ATP7A: variants seen among roughly 807,000 people sequenced by gnomAD.
The protein encoded by ATP7A is ATPase copper transporting alpha.
A neutral mutation model predicts 83.5 loss-of-function variants in ATP7A; 7 were observed. The ratio of observed to expected loss-of-function variants is 0.08; its 90% CI spans 0.05 to 0.16. The LOEUF (loss-of-function observed/expected upper bound fraction) is 0.16. Among genes scored for constraint, ATP7A ranks in the 10% least tolerant of loss-of-function variants. The pLI, the probability that ATP7A is intolerant of heterozygous loss-of-function variation, is 1.00. For missense variants in ATP7A, 940 were observed against 1,120.8 expected (o/e 0.84, Z 2.30); for synonymous variants, 354 against 395.2 (o/e 0.90, Z 1.24).
chrX:78,026,000 G>A (rs1557236300), intron 14 of ATP7A, among the ~76,000 whole-genome samples: 1 of 111,284 alleles, frequency 9.0e-6, no homozygotes. Flanking sequence ...TAAATACAAA[G>A]CTCACAGACC....
At chrX:77,945,691 A>G (rs1280811814) in intron 1 of ATP7A, among the ~76,000 whole-genome samples, 2 of 112,177 alleles carry the variant, frequency 1.8e-5, no homozygotes, top group Non-Finnish European at 3.8e-5. Context: ...TTATTTTAAT[A>G]GGTCAATACT....
chrX:77,936,499 T>A (rs1432649642), intron 1 of ATP7A, among the ~76,000 whole-genome samples: 1 of 112,161 alleles, frequency 8.9e-6, no homozygotes, highest in East Asian at 2.8e-4. Flanking sequence ...TGTGCAACCA[T>A]CACTACCATC....
At chrX:77,990,705 A>G (rs1393493632) in intron 4 of ATP7A, among the ~76,000 whole-genome samples, 1 of 112,332 alleles carries the variant, frequency 8.9e-6, no homozygotes, top group Non-Finnish European at 1.9e-5. Flanking sequence ...ATGGAATTTA[A>G]TTATGTGAAA....
chrX:77,983,963 G>A (rs1198808911), intron 2 of ATP7A, among the ~76,000 whole-genome samples: 1 of 111,905 alleles, frequency 8.9e-6, no homozygotes, highest in Non-Finnish European at 1.9e-5. Context: ...GGGATTACAG[G>A]CATGAGCCAC....
At chrX:77,931,450 TC>T (rs1366528396) in intron 1 of ATP7A, among the ~76,000 whole-genome samples, 2 of 112,332 alleles carry the variant, frequency 1.8e-5, no homozygotes, top group Non-Finnish European at 3.8e-5. Context: ...GATTTCTCAA[TC>T]TTTTCCCCAC....
rs368747913 is a variant in ATP7A, at chrX:78,009,182, C to A, written c.1788C>A (p.Ser596=). Residue 596 remains serine, a synonymous_variant, in exon 7 of 23, where the codon TCC becomes TCA. Transcript: ENST00000341514. ...LTKHRGILYC[S]VALATNKAHI... ...AACACAGAGGGATCCTATACTGCTCCGTGGCCCTGGCAACCAACAAAGCAC... is the reference window on the plus strand; with the variant it reads ...AACACAGAGGGATCCTATACTGCTCAGTGGCCCTGGCAACCAACAAAGCAC... 38 of 1,207,115 alleles carry A rather than the reference C, an allele frequency of 3.1e-5. No homozygotes were observed. Among genetic ancestry groups the A allele is most frequent in the Non-Finnish European group, 4.3e-5 (38 of 893,268 alleles).
At chrX:78,016,173 G>A (rs781870041) in intron 12 of ATP7A, among the ~76,000 whole-genome samples, 116 of 111,312 alleles carry the variant, frequency 1.0e-3, no homozygotes, top group Non-Finnish European at 1.9e-3. Context: ...TTGTAATCAT[G>A]GTGGAGGAGA....
At chrX:77,986,069 G>A (rs2077634870) in intron 2 of ATP7A, among the ~76,000 whole-genome samples, 1 of 111,216 alleles carries the variant, frequency 9.0e-6, no homozygotes, top group Non-Finnish European at 1.9e-5. Context: ...TGACTATTCT[G>A]CATTTTTTTT....
chrX:77,976,018 T>C (rs2149076263), intron 2 of ATP7A: 1 of 112,195 alleles, frequency 8.9e-6, no homozygotes, highest in South Asian at 3.7e-4. Context: ...GGGAAGTTAA[T>C]GCCACTTTGG....
chrX:77,927,883 G>T (rs1345241514), intron 1 of ATP7A, among the ~76,000 whole-genome samples: 8 of 110,708 alleles, frequency 7.2e-5, no homozygotes, highest in Non-Finnish European at 1.3e-4. Flanking sequence ...GCGGTGTTTG[G>T]TTTTTTTGTC....
chrX:77,999,492 T>C (rs2077725241), intron 5 of ATP7A, among the ~76,000 whole-genome samples: 1 of 112,204 alleles, frequency 8.9e-6, no homozygotes, highest in Non-Finnish European at 1.9e-5. Context: ...TACACAATCT[T>C]AGAAAATGTA....
chrX:77,922,883 A>G lies in ATP7A; in HGVS notation c.-22+12048A>G, dbSNP rs1242713150. The G allele has an allele frequency of 2.7e-5, 3 of 112,242 alleles. No individual in the cohort carries two copies. The Admixed American group carries it at 2.8e-4, about 11-fold the overall frequency. 9.3% of individuals were successfully genotyped at this position (112,242 alleles called of 1,213,427 possible). ...GACTAGTGCAGAGCCTAAAAGATAC[A>G]TGAACTTAGCCATATTAGTAAGGTG... On this transcript the variant is annotated intron_variant, in intron 1 of 22. Transcript: ENST00000341514.
intron 6 of ATP7A, among the ~76,000 whole-genome samples, chrX:78,004,846 G>A (rs1430430252): frequency 3.6e-5 from 4 of 111,488 alleles, no homozygotes; most frequent in Non-Finnish European, 7.5e-5. Flanking sequence ...CTGCGCCACT[G>A]CACTCCAGCC....
At chrX:78,009,674 C>T (rs1557234172) in intron 7 of ATP7A, among the ~76,000 whole-genome samples, 1 of 111,894 alleles carries the variant, frequency 8.9e-6, no homozygotes, top group East Asian at 2.8e-4. Context: ...AAGACTAAAC[C>T]CAGCTGGACA....
intron 1 of ATP7A, among the ~76,000 whole-genome samples, chrX:77,912,358 A>G (rs1446988970): frequency 3.6e-5 from 4 of 111,823 alleles, no homozygotes; most frequent in Non-Finnish European, 7.5e-5. Context: ...CTGGACTGAT[A>G]GATAGAAGAA....
At chrX:77,962,981 G>C (rs1388978163) in intron 1 of ATP7A, 1 of 255,238 alleles carries the variant, frequency 3.9e-6, no homozygotes, top group Non-Finnish European at 7.5e-6. Flanking sequence ...ACATATATAG[G>C]ATAATATCTA....
chrX:77,933,993 CTACT>C (rs1487969177), intron 1 of ATP7A, among the ~76,000 whole-genome samples: 1 of 112,332 alleles, frequency 8.9e-6, no homozygotes, highest in Non-Finnish European at 1.9e-5. Flanking sequence ...TTTTCAGTCT[CTACT>C]TATGATACTG....
intron 1 of ATP7A, among the ~76,000 whole-genome samples, chrX:77,912,218 A>T (rs1236994793): frequency 8.9e-6 from 1 of 112,001 alleles, no homozygotes; most frequent in Admixed American, 9.5e-5. Context: ...ACATTTAAAA[A>T]ATCTCACTAA....
intron 2 of ATP7A, among the ~76,000 whole-genome samples, chrX:77,979,680 T>C (rs782672535): frequency 3.9e-4 from 44 of 112,420 alleles, no homozygotes; most frequent in South Asian, 1.8e-3. Context: ...AGTAATATAA[T>C]TGTGATATTA....
Sources: allele counts gnomAD v4.1 joint callset (sites outside exome capture counted in the v4.1 genomes callset), GRCh38; gene constraint gnomAD v4.1.1; transcripts MANE v1.5; gene names NCBI Gene and HGNC (gene_info 2026-07-23, HGNC 2026-07-21).